Variants in RANBP2 observed in about 807,000 individuals in gnomAD.
RANBP2 encodes RAN binding protein 2.
In RANBP2, 57 loss-of-function variants were observed where a neutral mutation model predicts 303.6. That is an observed-to-expected ratio of 0.19 (90% CI 0.15 to 0.23). The LOEUF (loss-of-function observed/expected upper bound fraction) is 0.23. Among genes scored for constraint, RANBP2 ranks in the 10% least tolerant of loss-of-function variants. The pLI, the probability that RANBP2 is intolerant of heterozygous loss-of-function variation, is 1.00. For synonymous variants in RANBP2, 1,167 were observed against 1,301.5 expected (o/e 0.90, Z 2.23); for missense variants, 3,138 against 3,780.8 (o/e 0.83, Z 4.46).
chr2:109,275,574 A>G, the RANBP2 span, among the ~76,000 whole-genome samples: 3 of 152,310 alleles, frequency 2.0e-5, no homozygotes, highest in Middle Eastern at 3.4e-3. Context: ...TGAGCACTCA[A>G]AAGAGTGCCC....
the RANBP2 span, among the ~76,000 whole-genome samples, chr2:109,090,758 G>A: frequency 5.9e-5 from 9 of 151,956 alleles, no homozygotes; most frequent in East Asian, 1.9e-4. Flanking sequence ...TTAGCTAAGC[G>A]TAGAACTATT....
the RANBP2 span, among the ~76,000 whole-genome samples, chr2:108,916,260 C>T: frequency 1.3e-5 from 2 of 152,180 alleles, no homozygotes; most frequent in Non-Finnish European, 2.9e-5. Context: ...AAAGAACAGC[C>T]GTGGGCTGTC....
At chr2:109,278,909 G>A in the RANBP2 span, among the ~76,000 whole-genome samples, 2 of 152,220 alleles carry the variant, frequency 1.3e-5, no homozygotes, top group Non-Finnish European at 2.9e-5. Context: ...TTGCTGGGCA[G>A]TAGTACACCC....
the RANBP2 span, among the ~76,000 whole-genome samples, chr2:109,451,183 A>G: frequency 2.2e-4 from 33 of 152,374 alleles, no homozygotes; most frequent in African/African-American, 7.0e-4. Context: ...GGTCTGCTCC[A>G]GCCTAACAGG....
At chr2:109,014,587 C>T in the RANBP2 span, among the ~76,000 whole-genome samples, 1 of 152,350 alleles carries the variant, frequency 6.6e-6, no homozygotes, top group East Asian at 1.9e-4. Flanking sequence ...TGGCCAGTTC[C>T]AAGTCCTCGG....
chr2:109,085,601 C>CTTT, the RANBP2 span, among the ~76,000 whole-genome samples: 3 of 132,180 alleles, frequency 2.3e-5, no homozygotes, highest in Admixed American at 7.5e-5. Flanking sequence ...CCACACCTGG[C>CTTT]TTTTTTTTTT....
chr2:108,786,798 G>A (rs367928075), downstream of RANBP2: 6 of 1,570,406 alleles, frequency 3.8e-6, no homozygotes, highest in African/African-American at 6.8e-5. Context: ...GGTTCCCGGG[G>A]AGACTGGTAC....
At chr2:109,189,024 A>T in the RANBP2 span, among the ~76,000 whole-genome samples, 1 of 151,842 alleles carries the variant, frequency 6.6e-6, no homozygotes, top group African/African-American at 2.4e-5. Flanking sequence ...CTCTGTCTTC[A>T]CCAGCCCCTT....
the RANBP2 span, among the ~76,000 whole-genome samples, chr2:109,755,205 G>C: frequency 2.4e-5 from 3 of 122,678 alleles, 1 homozygote; most frequent in Non-Finnish European, 3.4e-5. Flanking sequence ...TGGTGGGGGG[G>C]GGCCCAAGCC....
the RANBP2 span, among the ~76,000 whole-genome samples, chr2:109,089,392 C>T: frequency 5.4e-4 from 82 of 151,714 alleles, no homozygotes; most frequent in African/African-American, 1.8e-3. Context: ...AGTTTGAGCC[C>T]GGGAATTTCA....
At chr2:108,975,905 A>G in the RANBP2 span, among the ~76,000 whole-genome samples, 1 of 152,142 alleles carries the variant, frequency 6.6e-6, no homozygotes, top group East Asian at 1.9e-4. Context: ...GGGTGACTGA[A>G]TCATCTAGAC....
At chr2:109,723,255 T>C in the RANBP2 span, among the ~76,000 whole-genome samples, 1 of 152,250 alleles carries the variant, frequency 6.6e-6, no homozygotes, top group Non-Finnish European at 1.5e-5. Context: ...GGGTTCAAGC[T>C]GTTCTACTGC....
chr2:109,625,498 C>A, the RANBP2 span, among the ~76,000 whole-genome samples: 162 of 133,486 alleles, frequency 1.2e-3, no homozygotes, highest in Admixed American at 2.1e-3. Context: ...ACTAAAAATA[C>A]AAAAAAAAAA....
the RANBP2 span, among the ~76,000 whole-genome samples, chr2:109,050,870 A>G: frequency 6.6e-6 from 1 of 152,196 alleles, no homozygotes; most frequent in African/African-American, 2.4e-5. Context: ...ATAGTGTACT[A>G]TGTATTTAGG....
chr2:109,532,005 A>G, the RANBP2 span, among the ~76,000 whole-genome samples: 1 of 152,226 alleles, frequency 6.6e-6, no homozygotes, highest in Non-Finnish European at 1.5e-5. Context: ...ACAAAAGTGA[A>G]TACACAGTTG....
At chr2:109,658,093 C>A in the RANBP2 span, among the ~76,000 whole-genome samples, 1 of 152,086 alleles carries the variant, frequency 6.6e-6, no homozygotes, top group East Asian at 1.9e-4. Context: ...TAGGCTGCAT[C>A]AGAGTTCACG....
the RANBP2 span, among the ~76,000 whole-genome samples, chr2:108,999,566 C>T: frequency 2.6e-5 from 4 of 152,108 alleles, no homozygotes; most frequent in African/African-American, 4.8e-5. Flanking sequence ...TTAAATCTTT[C>T]GGCACAAAAG....
the RANBP2 span, among the ~76,000 whole-genome samples, chr2:109,377,300 C>T: frequency 2.0e-5 from 3 of 152,134 alleles, no homozygotes; most frequent in African/African-American, 7.2e-5. Context: ...TGCTGGAGCA[C>T]GTGGTGAGCA....
At chr2:108,950,233 C>T in the RANBP2 span, among the ~76,000 whole-genome samples, 2 of 144,270 alleles carry the variant, frequency 1.4e-5, no homozygotes, top group African/African-American at 2.5e-5. Flanking sequence ...TCCTTCCTCC[C>T]TCCCTCCTCC....
Sources: gnomAD v4.1 joint callset for allele counts (sites outside exome capture counted in the v4.1 genomes callset) on GRCh38, gnomAD v4.1.1 for gene constraint, MANE v1.5 for transcripts, NCBI Gene and HGNC (gene_info 2026-07-23, HGNC 2026-07-21) for gene names.